The following GRID1 variants were observed in gnomAD, a reference collection of about 807,000 sequenced individuals.
GRID1 encodes the protein glutamate receptor ionotropic, delta-1.
In GRID1, 28 loss-of-function variants were observed where a neutral mutation model predicts 98.0. The observed-to-expected ratio is 0.29, with a 90% CI of 0.21 to 0.39. The LOEUF (loss-of-function observed/expected upper bound fraction) is 0.39. Among genes scored for constraint, GRID1 ranks in the 10% least tolerant of loss-of-function variants. The pLI, the probability that GRID1 is intolerant of heterozygous loss-of-function variation, is 1.00. For synonymous variants in GRID1, 553 were observed against 538.5 expected, an observed-to-expected ratio of 1.03 and a Z score of -0.37; for missense variants, 1,111 against 1,340.5, an observed-to-expected ratio of 0.83 and a Z score of 2.67.
chr10:86,146,917 G>A (rs1216093448), intron 3 of GRID1, among the ~76,000 whole-genome samples: 1 of 152,214 alleles, frequency 6.6e-6, no homozygotes, highest in Non-Finnish European at 1.5e-5. Flanking sequence ...ACTCTCTGTG[G>A]AAGTCAGCGG....
intron 4 of GRID1, among the ~76,000 whole-genome samples, chr10:86,079,797 C>T (rs1160605557): frequency 6.6e-6 from 1 of 152,196 alleles, no homozygotes; most frequent in African/African-American, 2.4e-5. Flanking sequence ...GGGTCACTTC[C>T]CCCTTTGACC....
At chr10:86,140,326 G>A (rs963186451) in intron 3 of GRID1, among the ~76,000 whole-genome samples, 5 of 152,228 alleles carry the variant, frequency 3.3e-5, no homozygotes, top group African/African-American at 1.2e-4. Context: ...GGCCCATGCA[G>A]TCACCAAGAA....
At chr10:86,091,551 C>T (rs1844148796) in intron 4 of GRID1, among the ~76,000 whole-genome samples, 1 of 151,726 alleles carries the variant, frequency 6.6e-6, no homozygotes, top group South Asian at 2.1e-4. Flanking sequence ...TCCCTACCTA[C>T]CCTGGTAGCA....
chr10:85,823,893 G>A (rs1269177426), intron 8 of GRID1, among the ~76,000 whole-genome samples: 3 of 132,244 alleles, frequency 2.3e-5, no homozygotes, highest in Non-Finnish European at 4.7e-5. Flanking sequence ...AATGAGTGCT[G>A]GAAAAAATAT....
intron 3 of GRID1, among the ~76,000 whole-genome samples, chr10:86,155,627 G>A (rs971806834): frequency 1.3e-5 from 2 of 152,182 alleles, no homozygotes; most frequent in African/African-American, 4.8e-5. Flanking sequence ...CAGGTTCCTG[G>A]GGCAATCAGA....
At chr10:86,041,847 C>T (rs1843350043) in intron 4 of GRID1, among the ~76,000 whole-genome samples, 1 of 150,998 alleles carries the variant, frequency 6.6e-6, no homozygotes, top group African/African-American at 2.4e-5. Flanking sequence ...TGACAATTTC[C>T]ACCACTTTTC....
intron 2 of GRID1, among the ~76,000 whole-genome samples, chr10:86,287,965 A>C (rs1249584245): frequency 6.6e-6 from 1 of 152,002 alleles, no homozygotes; most frequent in Non-Finnish European, 1.5e-5. Context: ...CACATGCTCC[A>C]TGCAGGCCTA....
chr10:85,870,406 G>A (rs1843266903), intron 5 of GRID1, among the ~76,000 whole-genome samples: 1 of 152,224 alleles, frequency 6.6e-6, no homozygotes. Flanking sequence ...GACTCAGACT[G>A]GCTCCTCAGT....
intron 2 of GRID1, among the ~76,000 whole-genome samples, chr10:86,249,248 A>T (rs557516922): frequency 6.6e-6 from 1 of 152,242 alleles, no homozygotes; most frequent in South Asian, 2.1e-4. Context: ...TGGCAGCAGG[A>T]CCTATGTCCT....
chr10:86,203,372 T>TGCCGAGGGAGCAGCCACACTTGCAC (rs1345822553), intron 3 of GRID1, among the ~76,000 whole-genome samples: 4 of 151,874 alleles, frequency 2.6e-5, no homozygotes, highest in African/African-American at 9.7e-5. Context: ...CAGCCAGCCA[T>TGCCGAGGGAGCAGCCACACTTGCAC]GCCGAGGGAG....
At chr10:86,291,605 C>G in intron 2 of GRID1, among the ~76,000 whole-genome samples, 1 of 152,200 alleles carries the variant, frequency 6.6e-6, no homozygotes, top group East Asian at 1.9e-4. Context: ...GAATGTTGGG[C>G]TGCCCTGGGC....
At chr10:85,668,959 T>G (rs1490307440) in intron 12 of GRID1, among the ~76,000 whole-genome samples, 1 of 152,326 alleles carries the variant, frequency 6.6e-6, no homozygotes, top group East Asian at 1.9e-4. Context: ...AAAAGTGACC[T>G]GCAGGACACA....
chr10:86,363,819 G>T, intron 2 of GRID1, 122 bp downstream of exon 2: 1 of 812,492 alleles, frequency 1.2e-6, no homozygotes, highest in Non-Finnish European at 1.9e-6. Flanking sequence ...GCATGGCACC[G>T]CGGCTGCCGA....
At chr10:86,291,240 C>T (rs1452951484) in intron 2 of GRID1, among the ~76,000 whole-genome samples, 1 of 152,152 alleles carries the variant, frequency 6.6e-6, no homozygotes, top group Admixed American at 6.5e-5. Context: ...ACAGAGCACA[C>T]AACAAGAGGC....
chr10:85,991,190 C>T (rs1842675066), intron 4 of GRID1, among the ~76,000 whole-genome samples: 1 of 152,084 alleles, frequency 6.6e-6, no homozygotes, highest in East Asian at 1.9e-4. Flanking sequence ...TAGTTCCTTA[C>T]GATGCTGGTG....
chr10:86,153,793 C>A (rs1845203892), intron 3 of GRID1, among the ~76,000 whole-genome samples: 3 of 152,096 alleles, frequency 2.0e-5, no homozygotes, highest in Admixed American at 6.5e-5. Context: ...GAGGCAGGAT[C>A]TGCAGGCCTA....
In GRID1 at chr10:85,975,857, T is replaced by C. The variant is rs539978812; in HGVS notation, c.727-59618A>G. 2.6e-5 allele frequency among the ~76,000 whole-genome samples: 4 copies of C among 152,356 alleles called. No homozygotes were observed. In the East Asian group the frequency reaches 7.7e-4, roughly 29 times the overall value. ...AAGGACAATAGTGGTTTCTTTCCTATAAAATATATTTCATCTACATGAAAA... is the reference window on the plus strand; with the variant it reads ...AAGGACAATAGTGGTTTCTTTCCTACAAAATATATTTCATCTACATGAAAA... On this transcript the variant is annotated intron_variant, in intron 4 of 15. Coordinates refer to ENST00000327946, the MANE Select transcript of GRID1 (RefSeq NM_017551.3).
chr10:85,666,408 ATGTCCTTTG>A (rs1212281224), intron 12 of GRID1, among the ~76,000 whole-genome samples: 10 of 152,166 alleles, frequency 6.6e-5, no homozygotes, highest in African/African-American at 2.4e-4. Flanking sequence ...CAGGGTCAGC[ATGTCCTTTG>A]AAAGGGCCAT....
rs1470286241 is a variant in GRID1, at chr10:85,599,821, A to ATATATATAT, written c.*2451_*2452insATATATATA. ...AAAAAAAATATATATATATATATATAAACATGGTGAAGAATAACACCATGA... is the reference window on the plus strand; with the variant it reads ...AAAAAAAATATATATATATATATATATATATATATAACATGGTGAAGAATAACACCATGA... On this transcript the variant is annotated 3_prime_UTR_variant, in exon 16 of 16. Transcript: ENST00000327946. The ATATATATAT allele has an allele frequency of 4.6e-5, 6 of 129,338 alleles. No homozygotes were observed. The highest frequency in any genetic ancestry group is 2.5e-4 in the South Asian group (1 of 4,032). The allele number at this position is 129,338 out of a possible 1,614,324, so 8.0% of individuals were successfully genotyped here.
Sources: allele counts gnomAD v4.1 joint callset (sites outside exome capture counted in the v4.1 genomes callset), GRCh38; gene constraint gnomAD v4.1.1; transcripts MANE v1.5; gene names NCBI Gene and HGNC (gene_info 2026-07-23, HGNC 2026-07-21).